DCLK1: variants seen among roughly 807,000 people sequenced by gnomAD.
DCLK1 encodes the protein doublecortin like kinase 1.
DCLK1 carries 16 observed loss-of-function variants against 86.2 expected under a neutral mutation model. That is an observed-to-expected ratio of 0.19 (90% CI 0.13 to 0.28). DCLK1 has a LOEUF of 0.28. Among genes scored for constraint, DCLK1 ranks in the 10% least tolerant of loss-of-function variants. The probability of loss-of-function intolerance (pLI) is 1.00; values close to 1 mark genes in which losing one functional copy is unlikely to be tolerated. For synonymous variants in DCLK1, 369 were observed against 370.5 expected (o/e 1.00, Z 0.05); for missense variants, 590 against 940.2 (o/e 0.63, Z 4.87).
chr13:35,871,262 G>T lies in DCLK1; in HGVS notation c.902C>A (p.Pro301Gln). ...GGCAGGGGACTTGCTACGCCTGGAC[G>T]GTCCTGGGCTCTTGGTGGTGCTCCT... Reference protein sequence around the residue: ...SRRSTTKSPGPSRRSKSPAST... With the variant: ...SRRSTTKSPGQSRRSKSPAST... The change falls in exon 5 of 17, where the codon CCG (proline) becomes CAG (glutamine). Residue 301 changes from proline (P) to glutamine (Q), a missense_variant. Physicochemically the swap from Pro to Gln is moderately conservative, Grantham distance 76. Around this residue, in one of 6 missense-constraint regions of DCLK1, gnomAD observed 195 missense variants for 365.1 expected, o/e 0.53. Coordinates refer to ENST00000360631, the MANE Select transcript of DCLK1 (RefSeq NM_001330071.2). 6.2e-7 allele frequency: 1 copy of T among 1,613,866 alleles called. No individual in the cohort carries two copies. The highest frequency in any genetic ancestry group is 8.5e-7 in the Non-Finnish European group (1 of 1,179,928).
chr13:35,874,325 T>C (rs1347858955), intron 4 of DCLK1, among the ~76,000 whole-genome samples: 1 of 152,182 alleles, frequency 6.6e-6, no homozygotes, highest in African/African-American at 2.4e-5. Flanking sequence ...TGAGTTTATA[T>C]GAAATACAGA....
chr13:35,811,571 C>T (rs559231102), intron 11 of DCLK1, among the ~76,000 whole-genome samples: 5 of 152,194 alleles, frequency 3.3e-5, no homozygotes, highest in East Asian at 3.9e-4. Flanking sequence ...CTGTGGCTCA[C>T]GCCTGTAATC....
chr13:35,783,179 C>T (rs1256906038), intron 16 of DCLK1, among the ~76,000 whole-genome samples: 1 of 152,214 alleles, frequency 6.6e-6, no homozygotes, highest in Non-Finnish European at 1.5e-5. Flanking sequence ...GAGCGGTTTA[C>T]TCTAATCAGA....
intron 15 of DCLK1, among the ~76,000 whole-genome samples, chr13:35,800,518 A>G (rs1408588600): frequency 6.6e-6 from 1 of 152,146 alleles, no homozygotes; most frequent in African/African-American, 2.4e-5. Flanking sequence ...GACTCTTTCA[A>G]CAACAGAGCA....
intron 5 of DCLK1, among the ~76,000 whole-genome samples, chr13:35,860,331 A>G: frequency 6.6e-6 from 1 of 151,818 alleles, no homozygotes; most frequent in African/African-American, 2.4e-5. Flanking sequence ...GGGGGTGCAT[A>G]GGGAATCAGT....
At chr13:35,974,205 T>C (rs763502078) in intron 3 of DCLK1, among the ~76,000 whole-genome samples, 4 of 152,218 alleles carry the variant, frequency 2.6e-5, no homozygotes, top group African/African-American at 7.2e-5. Context: ...CTCAGATTCA[T>C]GTGTTGAATT....
At chr13:35,957,808 C>T (rs902323239) in intron 3 of DCLK1, among the ~76,000 whole-genome samples, 2 of 152,006 alleles carry the variant, frequency 1.3e-5, no homozygotes, top group Non-Finnish European at 2.9e-5. Context: ...GATTAAAAGG[C>T]ATTTTTTATA....
At chr13:35,848,435 G>GAT in intron 6 of DCLK1, 1 of 985,224 alleles carries the variant, frequency 1.0e-6, no homozygotes, top group East Asian at 1.1e-4. Context: ...AAAAGTAAAT[G>GAT]ATATATATAG....
intron 3 of DCLK1, among the ~76,000 whole-genome samples, chr13:35,986,264 T>C (rs1409428086): frequency 7.7e-6 from 1 of 129,072 alleles, no homozygotes; most frequent in African/African-American, 3.0e-5. Flanking sequence ...ATCATGCCAT[T>C]GCACTCCAGT....
At chr13:35,875,084 A>G (rs1379391591) in intron 4 of DCLK1, among the ~76,000 whole-genome samples, 1 of 152,220 alleles carries the variant, frequency 6.6e-6, no homozygotes, top group East Asian at 1.9e-4. Context: ...TTCACCAGTG[A>G]GGCCTCTTTT....
rs149353622 is a variant in DCLK1, at chr13:36,001,075, A to G, written c.724-53618T>C. Among the ~76,000 whole-genome samples, 461 of 152,086 alleles carry G rather than the reference A, an allele frequency of 3.0e-3. 1 individual carries two copies. Among genetic ancestry groups the G allele is most frequent in the Non-Finnish European group, 5.1e-3 (348 of 67,990 alleles). ...GCAATTCTCCTGCCTTAGCCTCCCA[A>G]GTAGCTGGGATTAGAGGCATGAGCC... is the stretch of plus-strand genomic sequence containing the variant. On this transcript the variant is annotated intron_variant, in intron 3 of 16. Coordinates refer to ENST00000360631, the MANE Select transcript of DCLK1 (RefSeq NM_001330071.2).
At chr13:36,100,774 T>C (rs1292432187) in intron 3 of DCLK1, among the ~76,000 whole-genome samples, 2 of 152,066 alleles carry the variant, frequency 1.3e-5, no homozygotes, top group Admixed American at 1.3e-4. Context: ...TCTCTTAACC[T>C]CCCAGGCTGT....
intron 3 of DCLK1, among the ~76,000 whole-genome samples, chr13:35,977,583 T>G (rs1452371376): frequency 6.7e-6 from 1 of 150,036 alleles, no homozygotes; most frequent in Non-Finnish European, 1.5e-5. Flanking sequence ...CTGATGGGTC[T>G]AATGGGCTAT....
At chr13:36,034,415 T>C (rs1464388006) in intron 3 of DCLK1, among the ~76,000 whole-genome samples, 1 of 152,182 alleles carries the variant, frequency 6.6e-6, no homozygotes, top group Non-Finnish European at 1.5e-5. Context: ...ATCTCTAAAG[T>C]CATTTCTCTT....
intron 8 of DCLK1, among the ~76,000 whole-genome samples, chr13:35,835,543 AC>A (rs1220470743): frequency 1.3e-5 from 2 of 152,134 alleles, no homozygotes; most frequent in Admixed American, 1.3e-4. Flanking sequence ...GCCACAGAGT[AC>A]CGGGTTCATT....
At chr13:35,993,589 G>A (rs1407727732) in intron 3 of DCLK1, among the ~76,000 whole-genome samples, 2 of 149,804 alleles carry the variant, frequency 1.3e-5, no homozygotes, top group Non-Finnish European at 3.0e-5. Flanking sequence ...CTCAGTTTCC[G>A]CATCTACACA....
intron 2 of DCLK1, among the ~76,000 whole-genome samples, chr13:36,116,242 G>C (rs1032910625): frequency 6.6e-6 from 1 of 152,112 alleles, no homozygotes; most frequent in East Asian, 1.9e-4. Context: ...GAGCCACCGC[G>C]ACTGGCCTGT....
chr13:35,867,015 C>T (rs888794762), intron 5 of DCLK1, among the ~76,000 whole-genome samples: 8 of 152,110 alleles, frequency 5.3e-5, no homozygotes, highest in African/African-American at 1.9e-4. Flanking sequence ...GCAACACTGC[C>T]GAATTCCTTA....
At position 35,778,115 on chromosome 13, in the gene DCLK1, T is replaced by C. The variant is rs138718425; in HGVS notation, c.2059-3416A>G. 4.0e-3 allele frequency among the ~76,000 whole-genome samples: 610 copies of C among 152,316 alleles called. 2 individuals are homozygous for C. The highest frequency in any genetic ancestry group is 0.011 in the South Asian group (53 of 4,826). On this transcript the variant is annotated intron_variant, in intron 16 of 16. Transcript: ENST00000360631. ...GATCTGTTTCTCTCTCTTCAAAAAC[T>C]TTGTGGCTTTTGAGATATGAGAAAG... is the stretch of plus-strand genomic sequence containing the variant.
Sources: allele counts gnomAD v4.1 joint callset (sites outside exome capture counted in the v4.1 genomes callset), GRCh38; gene constraint gnomAD v4.1.1; regional missense constraint gnomAD v4.1.1; transcripts MANE v1.5; gene names NCBI Gene and HGNC (gene_info 2026-07-23, HGNC 2026-07-21).